Variants in PDLIM5 observed in about 807,000 individuals in gnomAD.
The protein encoded by PDLIM5 is PDZ and LIM domain 5, also known as PDZ and LIM domain protein 5.
In PDLIM5, 34 loss-of-function variants were observed where a neutral mutation model predicts 64.2. That is an observed-to-expected ratio of 0.53 (90% CI 0.40 to 0.71). PDLIM5 has a LOEUF of 0.71. Among genes scored for constraint, PDLIM5 ranks in the 30% least tolerant of loss-of-function variants. The pLI is 0.00. For synonymous variants in PDLIM5, 253 were observed against 269.1 expected (o/e 0.94, Z 0.59); for missense variants, 683 against 733.6 (o/e 0.93, Z 0.80).
intron 8 of PDLIM5, among the ~76,000 whole-genome samples, chr4:94,631,185 G>T (rs1740122474): frequency 6.6e-6 from 1 of 150,642 alleles, no homozygotes; most frequent in South Asian, 2.1e-4. Context: ...TTGCAGATTT[G>T]AGCCACCACA....
intron 3 of PDLIM5, chr4:94,549,691 A>G (rs916753107): frequency 3.9e-5 from 6 of 152,196 alleles, no homozygotes; most frequent in Non-Finnish European, 5.9e-5. Context: ...ACGTTTGTAG[A>G]TACTGTACAC....
intron 3 of PDLIM5, among the ~76,000 whole-genome samples, chr4:94,557,514 G>A (rs1359549163): frequency 6.6e-6 from 1 of 152,072 alleles, no homozygotes; most frequent in Non-Finnish European, 1.5e-5. Context: ...CCATTTTCAC[G>A]ATATTGATTC....
Position 94,576,749 on chromosome 4 carries a change from C to T in PDLIM5, c.710+715C>T, listed in dbSNP as rs116346079. On this transcript the variant is annotated intron_variant, in intron 5 of 12. Transcript: ENST00000317968. The stretch of plus-strand genomic sequence containing the variant: ...AGCAGAACACTTTGAAAATCTGTTT[C>T]TTATCGTTTTTCCCTTTTGGGGGTA... 3.7e-3 allele frequency among the ~76,000 whole-genome samples: 562 copies of T among 152,262 alleles called. 7 individuals are homozygous for T. Among genetic ancestry groups the T allele is most frequent in the Non-Finnish European group, 6.5e-3 (445 of 68,000 alleles).
intron 3 of PDLIM5, among the ~76,000 whole-genome samples, chr4:94,570,532 T>TAA (rs1434104176): frequency 1.3e-5 from 2 of 152,238 alleles, no homozygotes; most frequent in Non-Finnish European, 2.9e-5. Context: ...AATCTTTACA[T>TAA]AATCTCAAAC....
chr4:94,603,535 A>G (rs1375267915), intron 7 of PDLIM5, among the ~76,000 whole-genome samples: 5 of 152,158 alleles, frequency 3.3e-5, no homozygotes, highest in Non-Finnish European at 7.4e-5. Flanking sequence ...TGACTCAGAC[A>G]AGTCCAGCTT....
In PDLIM5 at chr4:94,665,197, T is replaced by C; in HGVS notation, c.*1130T>C. On this transcript the variant is annotated 3_prime_UTR_variant, in exon 13 of 13. Coordinates refer to ENST00000317968, the MANE Select transcript of PDLIM5 (RefSeq NM_006457.5). ...TTTCTCTCTCTTTAAAGAGAATAAA[T>C]AGAGGGCCAGGTGTGGTGGCTCACG... 1 of 910,918 alleles carries C rather than the reference T, an allele frequency of 1.1e-6. No homozygotes were observed. The highest frequency in any genetic ancestry group is 1.2e-4 in the East Asian group (1 of 8,456). The allele number at this position is 910,918 out of a possible 1,614,324, so 56.4% of individuals were successfully genotyped here. A position where few individuals can be genotyped will look rare whatever the true frequency, so the allele number is the denominator to read the frequency against.
intron 5 of PDLIM5, 126 bp downstream of exon 5, chr4:94,576,160 G>A (rs375489288): frequency 1.3e-5 from 10 of 753,594 alleles, no homozygotes; most frequent in East Asian, 1.1e-4. Flanking sequence ...AGTATTATTT[G>A]CCTCATTAAC....
At chr4:94,544,615 TG>T (rs1475465268) in intron 3 of PDLIM5, among the ~76,000 whole-genome samples, 3 of 152,192 alleles carry the variant, frequency 2.0e-5, no homozygotes, top group African/African-American at 7.2e-5. Context: ...TATTCTGATT[TG>T]TAGAGGGTCT....
At chr4:94,662,348 G>T in intron 11 of PDLIM5, 74 bp from the exon 12 acceptor site, 1 of 684,940 alleles carries the variant, frequency 1.5e-6, no homozygotes, top group Non-Finnish European at 2.6e-6. Context: ...TGATTTTGTT[G>T]CTGCCTTCTA....
At chr4:94,648,530 C>A (rs764171476) in intron 9 of PDLIM5, among the ~76,000 whole-genome samples, 2 of 152,142 alleles carry the variant, frequency 1.3e-5, no homozygotes, top group African/African-American at 2.4e-5. Flanking sequence ...GAACTCCTGG[C>A]CTCAAGTGAT....
Position 94,620,317 on chromosome 4 carries a change from T to G in PDLIM5, c.1108+2126T>G, listed in dbSNP as rs907327250. Reference sequence around the variant, plus strand: ...AGTGCGGTGGCTCCTGAGGATCACTTGAGCCCAGGAGTTTGAGATCAGCCT... The same window carrying G: ...AGTGCGGTGGCTCCTGAGGATCACTGGAGCCCAGGAGTTTGAGATCAGCCT... On this transcript the variant is annotated intron_variant, in intron 8 of 12. Transcript: ENST00000317968. 2.6e-5 allele frequency among the ~76,000 whole-genome samples: 4 copies of G among 152,132 alleles called. No individual in the cohort carries two copies. The South Asian group carries it at 8.3e-4, about 32-fold the overall frequency.
At chr4:94,540,744 A>G (rs896108887) in intron 3 of PDLIM5, among the ~76,000 whole-genome samples, 7 of 152,104 alleles carry the variant, frequency 4.6e-5, no homozygotes, top group Admixed American at 2.0e-4. Flanking sequence ...CTTACCTTCT[A>G]TTTAAAACCT....
chr4:94,626,305 CAG>C (rs35804994), intron 8 of PDLIM5, among the ~76,000 whole-genome samples: 53,392 of 151,772 alleles, frequency 0.35, 10,694 homozygotes, highest in South Asian at 0.61. Flanking sequence ...TCAGTTGTAA[CAG>C]ATATTTTTAT....
At chr4:94,635,111 T>C (rs970792618) in intron 8 of PDLIM5, among the ~76,000 whole-genome samples, 3 of 152,190 alleles carry the variant, frequency 2.0e-5, no homozygotes, top group African/African-American at 7.2e-5. Context: ...ATAGCAATTT[T>C]AAAGTTAACG....
At position 94,516,803 on chromosome 4, in the gene PDLIM5, A is replaced by G. The variant is rs146291634; in HGVS notation, c.97-6921A>G. 2.1e-4 allele frequency among the ~76,000 whole-genome samples: 32 copies of G among 152,288 alleles called. No homozygotes were observed. The East Asian group carries it at 5.0e-3, about 24-fold the overall frequency. On this transcript the variant is annotated intron_variant, in intron 2 of 12. Coordinates refer to ENST00000317968, the MANE Select transcript of PDLIM5 (RefSeq NM_006457.5). ...CACCTCAGTCTCCCAAAGTGCTAGT[A>G]TTACAGGCATGAACCACTGTGCCCA...
intron 2 of PDLIM5, among the ~76,000 whole-genome samples, chr4:94,471,890 A>G (rs1035326840): frequency 3.9e-5 from 6 of 152,196 alleles, no homozygotes; most frequent in Non-Finnish European, 7.3e-5. Flanking sequence ...AAGTATTTAT[A>G]CTTACAAAGA....
At chr4:94,456,468 G>A (rs769636272) in intron 2 of PDLIM5, 9 of 701,430 alleles carry the variant, frequency 1.3e-5, no homozygotes, top group South Asian at 1.0e-4. Context: ...AAAGTGCTAA[G>A]ATTACAGGCG....
At chr4:94,506,490 C>T (rs1244211103) in intron 2 of PDLIM5, among the ~76,000 whole-genome samples, 2 of 152,132 alleles carry the variant, frequency 1.3e-5, no homozygotes, top group East Asian at 1.9e-4. Flanking sequence ...AGCTGTGCCT[C>T]ACATGGAGGA....
At chr4:94,537,966 C>T (rs1385491516) in intron 3 of PDLIM5, among the ~76,000 whole-genome samples, 1 of 152,042 alleles carries the variant, frequency 6.6e-6, no homozygotes, top group East Asian at 1.9e-4. Context: ...GAATTTTCGC[C>T]ATTAAATTTA....
Sources: allele counts gnomAD v4.1 joint callset (sites outside exome capture counted in the v4.1 genomes callset), GRCh38; gene constraint gnomAD v4.1.1; transcripts MANE v1.5; gene names NCBI Gene and HGNC (gene_info 2026-07-23, HGNC 2026-07-21).